SCLT1: variants seen among roughly 807,000 people sequenced by gnomAD.
SCLT1 encodes sodium channel-associated protein 1.
SCLT1 carries 78 observed loss-of-function variants against 112.8 expected under a neutral mutation model. The ratio of observed to expected loss-of-function variants is 0.69; its 90% confidence interval spans 0.58 to 0.83. The LOEUF (loss-of-function observed/expected upper bound fraction) is 0.83, where lower values mean the gene tolerates loss of function less well. Ranked by LOEUF, SCLT1 falls within the 40% of genes least tolerant of loss-of-function variation. The probability of loss-of-function intolerance (pLI) is 0.00; values close to 1 mark genes in which losing one functional copy is unlikely to be tolerated. For synonymous variants in SCLT1, 257 were observed against 254.7 expected (o/e 1.01, Z -0.09); for missense variants, 747 against 770.4 (o/e 0.97, Z 0.36).
intron 5 of SCLT1, among the ~76,000 whole-genome samples, chr4:129,019,231 A>T (rs1745241267): frequency 1.3e-5 from 2 of 152,228 alleles, no homozygotes; most frequent in African/African-American, 4.8e-5. Flanking sequence ...ATAAAGTCAT[A>T]ACCAATTATT....
Position 128,970,290 on chromosome 4 carries a change from C to T in SCLT1, c.777+88G>A, listed in dbSNP as rs1229282312. The T allele has an allele frequency of 4.1e-6, 3 of 732,912 alleles. No individual in the cohort carries two copies. In the East Asian group the frequency reaches 7.9e-5, roughly 19 times the overall value. 45.4% of individuals were successfully genotyped at this position (732,912 alleles called of 1,614,324 possible). A position where few individuals can be genotyped will look rare whatever the true frequency, so the allele number is the denominator to read the frequency against. ...AATAATTAATTCATCTTCTGACAAC[C>T]CTCTTTAACACCTAATCCAAAATAA... On this transcript the variant is annotated intron_variant, in intron 10 of 20. Coordinates refer to ENST00000281142, the MANE Select transcript of SCLT1 (RefSeq NM_144643.4).
At chr4:128,891,204 A>C (rs769918954) in intron 18 of SCLT1, 67 bp from the exon 19 acceptor site, 9 of 1,186,584 alleles carry the variant, frequency 7.6e-6, no homozygotes, top group Admixed American at 3.7e-5. Context: ...CTTTATTAGC[A>C]AGATACATGT....
At chr4:129,028,648 A>G (rs1391441773) in intron 5 of SCLT1, among the ~76,000 whole-genome samples, 1 of 152,230 alleles carries the variant, frequency 6.6e-6, no homozygotes, top group Non-Finnish European at 1.5e-5. Context: ...CACCAAAAGC[A>G]ATGGCAACAA....
intron 10 of SCLT1, among the ~76,000 whole-genome samples, chr4:128,965,558 T>C (rs887533028): frequency 9.2e-5 from 14 of 152,204 alleles, no homozygotes; most frequent in Admixed American, 8.5e-4. Context: ...TGCACATAGA[T>C]TTCTACCAAT....
chr4:129,066,397 A>C (rs1259592641), intron 2 of SCLT1, among the ~76,000 whole-genome samples: 1 of 150,444 alleles, frequency 6.6e-6, no homozygotes. Context: ...CAAACTGACA[A>C]AACAAAATAT....
intron 2 of SCLT1, among the ~76,000 whole-genome samples, chr4:129,072,425 C>T (rs562893221): frequency 6.6e-6 from 1 of 152,166 alleles, no homozygotes; most frequent in African/African-American, 2.4e-5. Context: ...TCTCTTCTTC[C>T]TCAGGAACAC....
chr4:129,069,941 T>A (rs1221237747), intron 2 of SCLT1, among the ~76,000 whole-genome samples: 2 of 152,166 alleles, frequency 1.3e-5, no homozygotes, highest in East Asian at 3.9e-4. Context: ...TATGCCAATT[T>A]TGTTGAGAGT....
chr4:128,946,456 C>T (rs187326911), intron 15 of SCLT1, among the ~76,000 whole-genome samples: 194 of 152,216 alleles, frequency 1.3e-3, no homozygotes, highest in Non-Finnish European at 2.5e-3. Context: ...CTTGCAGTCC[C>T]AGCTATTAGG....
chr4:129,088,081 C>T (rs1752550682), intron 1 of SCLT1, among the ~76,000 whole-genome samples: 1 of 150,100 alleles, frequency 6.7e-6, no homozygotes, highest in Non-Finnish European at 1.5e-5. Flanking sequence ...AGGAAGATCC[C>T]GTCCCAAAAA....
At chr4:129,065,656 T>C (rs185324842) in intron 2 of SCLT1, among the ~76,000 whole-genome samples, 18 of 152,192 alleles carry the variant, frequency 1.2e-4, no homozygotes, top group Non-Finnish European at 2.5e-4. Context: ...TGCTAAACTC[T>C]AAATTACAAT....
In SCLT1 at chr4:128,960,335, G is replaced by C. The variant is rs73847316; in HGVS notation, c.870-558C>G. On this transcript the variant is annotated intron_variant, in intron 11 of 20. Coordinates refer to ENST00000281142, the MANE Select transcript of SCLT1 (RefSeq NM_144643.4). ...CATATTATACATACAGGTAATGACA[G>C]GAGCTTTTTAAACTTTTGTTATAAC... is the stretch of plus-strand genomic sequence containing the variant. 3.8e-3 allele frequency among the ~76,000 whole-genome samples: 574 copies of C among 151,972 alleles called. 1 individual carries two copies. The highest frequency in any genetic ancestry group is 0.011 in the African/African-American group (475 of 41,456).
chr4:128,963,632 G>C (rs562216704), intron 11 of SCLT1, among the ~76,000 whole-genome samples: 1 of 152,278 alleles, frequency 6.6e-6, no homozygotes, highest in African/African-American at 2.4e-5. Context: ...AAAAATAGAA[G>C]TTTCAAGTAT....
chr4:129,040,361 C>A (rs995101710), intron 4 of SCLT1: 2 of 565,660 alleles, frequency 3.5e-6, no homozygotes, highest in East Asian at 2.8e-5. Context: ...TTTATTGTAG[C>A]CATTATCTTA....
At chr4:128,879,347 C>T (rs1383146003), downstream of SCLT1, among the ~76,000 whole-genome samples, 1 of 152,086 alleles carries the variant, frequency 6.6e-6, no homozygotes, top group Non-Finnish European at 1.5e-5. Context: ...ACAGTGAGTT[C>T]AAGCCTCCTG....
intron 5 of SCLT1, among the ~76,000 whole-genome samples, chr4:129,010,117 G>A (rs571967647): frequency 2.6e-5 from 4 of 151,400 alleles, no homozygotes; most frequent in Admixed American, 1.3e-4. Flanking sequence ...TTAAGTTAAT[G>A]TTTGTTAATC....
chr4:128,911,291 T>C (rs1026462486), intron 18 of SCLT1, among the ~76,000 whole-genome samples: 1 of 152,002 alleles, frequency 6.6e-6, no homozygotes, highest in African/African-American at 2.4e-5. Flanking sequence ...AATAGGTAAA[T>C]AAAATAACAA....
At chr4:129,060,499 A>G (rs1749863599) in intron 2 of SCLT1, among the ~76,000 whole-genome samples, 1 of 152,128 alleles carries the variant, frequency 6.6e-6, no homozygotes, top group Non-Finnish European at 1.5e-5. Context: ...TTTCACCTGC[A>G]GTTGGGCTTT....
chr4:129,052,767 C>T (rs1043363713), intron 2 of SCLT1, among the ~76,000 whole-genome samples: 7 of 152,096 alleles, frequency 4.6e-5, no homozygotes, highest in African/African-American at 1.7e-4. Flanking sequence ...TTGTCTTCTG[C>T]TAGCTTTTGC....
intron 5 of SCLT1, among the ~76,000 whole-genome samples, chr4:129,018,967 C>T (rs1745220411): frequency 1.3e-5 from 2 of 152,096 alleles, no homozygotes; most frequent in South Asian, 4.1e-4. Flanking sequence ...ATTGTCCTAT[C>T]AGATAGTGCT....
Sources: allele counts gnomAD v4.1 joint callset (sites outside exome capture counted in the v4.1 genomes callset), GRCh38; gene constraint gnomAD v4.1.1; transcripts MANE v1.5; gene names NCBI Gene and HGNC (gene_info 2026-07-23, HGNC 2026-07-21).